Variants in DOCK5 observed in about 807,000 individuals in gnomAD.
DOCK5 encodes the protein dedicator of cytokinesis 5, also known as dedicator of cytokinesis protein 5.
A neutral mutation model predicts 251.8 loss-of-function variants in DOCK5; 142 were observed. The ratio of observed to expected loss-of-function variants is 0.56; its 90% confidence interval spans 0.49 to 0.65. The LOEUF (loss-of-function observed/expected upper bound fraction) is 0.65. Among genes scored for constraint, DOCK5 ranks in the 30% least tolerant of loss-of-function variants. The probability of loss-of-function intolerance (pLI) is 0.00; values close to 1 mark genes in which losing one functional copy is unlikely to be tolerated. For missense variants in DOCK5, 2,111 were observed against 2,312.3 expected (o/e 0.91, Z 1.79); for synonymous variants, 842 against 835.5 (o/e 1.01, Z -0.13).
chr8:25,360,959 C>G (rs541558587), intron 28 of DOCK5, among the ~76,000 whole-genome samples: 2 of 152,066 alleles, frequency 1.3e-5, no homozygotes, highest in Non-Finnish European at 2.9e-5. Context: ...ATTATCCTCA[C>G]GAGGGAACTA....
chr8:25,398,625 G>A (rs540421748), intron 45 of DOCK5, among the ~76,000 whole-genome samples: 38 of 152,252 alleles, frequency 2.5e-4, no homozygotes, highest in East Asian at 9.7e-4. Flanking sequence ...TTGGTGCTCC[G>A]TGGCTTGAGG....
intron 1 of DOCK5, among the ~76,000 whole-genome samples, chr8:25,196,503 G>C (rs1801729320): frequency 6.6e-6 from 1 of 152,156 alleles, no homozygotes; most frequent in African/African-American, 2.4e-5. Flanking sequence ...AGAAGAAAAA[G>C]TAATTTAGAA....
At chr8:25,343,505 C>A (rs535471872) in intron 25 of DOCK5, among the ~76,000 whole-genome samples, 1 of 152,270 alleles carries the variant, frequency 6.6e-6, no homozygotes, top group African/African-American at 2.4e-5. Flanking sequence ...TTAGAACAAT[C>A]TGCAAGTGGT....
chr8:25,344,498 C>T (rs868280187), intron 25 of DOCK5, among the ~76,000 whole-genome samples: 16 of 152,150 alleles, frequency 1.1e-4, no homozygotes, highest in African/African-American at 3.6e-4. Flanking sequence ...TGGCTTTGCC[C>T]CTGGCTAGTT....
intron 26 of DOCK5, among the ~76,000 whole-genome samples, chr8:25,345,909 G>A (rs1232974609): frequency 6.6e-6 from 1 of 152,128 alleles, no homozygotes; most frequent in East Asian, 2.0e-4. Flanking sequence ...GAGTGCAGTG[G>A]CGCGATCTCG....
At chr8:25,347,120 A>T (rs931122931) in intron 26 of DOCK5, among the ~76,000 whole-genome samples, 6 of 152,210 alleles carry the variant, frequency 3.9e-5, no homozygotes, top group Middle Eastern at 3.2e-3. Flanking sequence ...CTACCAAAGG[A>T]TATGAATACT....
At chr8:25,399,807 G>T in intron 45 of DOCK5, 104 bp from the exon 46 acceptor site, 3 of 797,942 alleles carry the variant, frequency 3.8e-6, no homozygotes, top group Non-Finnish European at 6.2e-6. Context: ...TTTTTAGTTA[G>T]ACACATCTGG....
At chr8:25,390,152 T>A in intron 41 of DOCK5, 54 bp from the exon 42 acceptor site, 1 of 1,471,804 alleles carries the variant, frequency 6.8e-7, no homozygotes, top group Non-Finnish European at 9.2e-7. Context: ...GGGTGTTTGG[T>A]GTCTGACACC....
intron 3 of DOCK5, among the ~76,000 whole-genome samples, chr8:25,270,461 ATTAGAG>A (rs2117117761): frequency 6.6e-6 from 1 of 152,338 alleles, no homozygotes; most frequent in Non-Finnish European, 1.5e-5. Context: ...TCAAAGCACC[ATTAGAG>A]TTAACAATTT....
intron 36 of DOCK5, among the ~76,000 whole-genome samples, 157 bp from the exon 37 acceptor site, chr8:25,374,407 A>C (rs1424942449): frequency 1.3e-5 from 2 of 152,132 alleles, no homozygotes; most frequent in Non-Finnish European, 2.9e-5. Flanking sequence ...AGGTGGGTGG[A>C]TCACTTGAGC....
At chr8:25,237,491 T>C (rs1033070438) in intron 1 of DOCK5, among the ~76,000 whole-genome samples, 2 of 152,244 alleles carry the variant, frequency 1.3e-5, no homozygotes, top group African/African-American at 4.8e-5. Context: ...GGTTTCTTAT[T>C]GCATAATCCC....
intron 1 of DOCK5, among the ~76,000 whole-genome samples, chr8:25,190,775 GGTTTTTTTTTTTTTT>G: frequency 1.9e-5 from 1 of 53,980 alleles, no homozygotes; most frequent in African/African-American, 6.7e-5. Flanking sequence ...CTTGGTCATG[GGTTTTTTTTTTTTTT>G]TTTTTTTTTT....
At chr8:25,384,819 G>A in intron 40 of DOCK5, among the ~76,000 whole-genome samples, 1 of 152,100 alleles carries the variant, frequency 6.6e-6, no homozygotes, top group East Asian at 1.9e-4. Flanking sequence ...TGTAATCCCA[G>A]CTACTTGGGA....
intron 1 of DOCK5, among the ~76,000 whole-genome samples, chr8:25,214,835 C>T (rs1030939711): frequency 2.6e-5 from 4 of 152,148 alleles, no homozygotes; most frequent in Admixed American, 6.5e-5. Context: ...CTGGCTGCTC[C>T]GCTGAGGTCA....
rs1800627502 is a variant in DOCK5 at position 25,358,974 on chromosome 8, G to A, written c.2862G>A (p.Val954=). The change falls in exon 28 of 52, where the codon GTG becomes GTA. Residue 954 remains valine, a synonymous_variant. Transcript: ENST00000276440. ...CCTTTTCCTTCCAGGGGAGTTTTGT[G>A]GCTTGCATGATTGCCCTGCTGCAGC... ...NRQSPHIGSF[V]ACMIALLQQM... 1 of 1,613,906 alleles carries A rather than the reference G, an allele frequency of 6.2e-7. No homozygotes were observed. The highest frequency in any genetic ancestry group is 1.6e-4 in the Middle Eastern group (1 of 6,062).
chr8:25,245,691 C>T (rs1586260872), intron 2 of DOCK5, among the ~76,000 whole-genome samples: 1 of 152,174 alleles, frequency 6.6e-6, no homozygotes, highest in African/African-American at 2.4e-5. Context: ...AGGCATATGT[C>T]ATCACACCTC....
At chr8:25,303,259 TC>T (rs1671805828) in intron 10 of DOCK5, among the ~76,000 whole-genome samples, 1 of 152,160 alleles carries the variant, frequency 6.6e-6, no homozygotes, top group Non-Finnish European at 1.5e-5. Context: ...TGGCCCACGC[TC>T]CTTTCTTTCC....
Position 25,342,547 on chromosome 8 carries a change from A to G in DOCK5, c.2617+40A>G, listed in dbSNP as rs763842815. 6.1e-6 allele frequency: 9 copies of G among 1,469,712 alleles called. No individual in the cohort carries two copies. In the South Asian group the frequency reaches 1.1e-4, roughly 18 times the overall value. 91.0% of individuals were successfully genotyped at this position (1,469,712 alleles called of 1,614,324 possible). ...AAACTTGCTGCATGAGGTTGCAGTG[A>G]GCTGAGATTGCACCATTGCACTCCA... On this transcript the variant is annotated intron_variant, in intron 25 of 51. Transcript: ENST00000276440.
At chr8:25,363,760 C>G (rs1283112938) in intron 29 of DOCK5, among the ~76,000 whole-genome samples, 1 of 152,226 alleles carries the variant, frequency 6.6e-6, no homozygotes, top group East Asian at 1.9e-4. Context: ...TCTGCCCAGT[C>G]CCTGAACACA....
Sources: gnomAD v4.1 joint callset for allele counts (sites outside exome capture counted in the v4.1 genomes callset) on GRCh38, gnomAD v4.1.1 for gene constraint, MANE v1.5 for transcripts, NCBI Gene and HGNC (gene_info 2026-07-23, HGNC 2026-07-21) for gene names.